The following AGPS variants were observed in gnomAD, a reference collection of about 807,000 sequenced individuals.
AGPS encodes alkyldihydroxyacetonephosphate synthase, peroxisomal.
In AGPS, 26 loss-of-function variants were observed where a neutral mutation model predicts 90.7. That is an observed-to-expected ratio of 0.29 (90% CI 0.21 to 0.40). The LOEUF (loss-of-function observed/expected upper bound fraction) is 0.40. AGPS is among the 10% of genes least tolerant of loss of function. AGPS has a pLI of 1.00. For missense variants in AGPS, 540 were observed against 816.1 expected (o/e 0.66, Z 4.12); for synonymous variants, 294 against 285.3 (o/e 1.03, Z -0.31).
At chr2:177,486,264 T>C (rs1688089946) in intron 11 of AGPS, among the ~76,000 whole-genome samples, 1 of 152,246 alleles carries the variant, frequency 6.6e-6, no homozygotes, top group South Asian at 2.1e-4. Context: ...ACTTCTATTA[T>C]AATGCACATG....
At chr2:177,486,853 C>G (rs1490854014) in intron 11 of AGPS, among the ~76,000 whole-genome samples, 1 of 151,386 alleles carries the variant, frequency 6.6e-6, no homozygotes, top group East Asian at 1.9e-4. Context: ...TATCCTCTTT[C>G]AATACTTCAC....
chr2:177,507,844 A>T (rs1044311564), intron 15 of AGPS, 126 bp from the exon 16 acceptor site: 1 of 750,766 alleles, frequency 1.3e-6, no homozygotes, highest in African/African-American at 1.7e-5. Flanking sequence ...TGAGGTGGAT[A>T]GTAAAGAGTG....
chr2:177,488,514 G>A (rs983587475), intron 11 of AGPS, among the ~76,000 whole-genome samples: 4 of 152,110 alleles, frequency 2.6e-5, no homozygotes, highest in African/African-American at 9.7e-5. Context: ...AATCAATTTT[G>A]TTGTGTGCCT....
At chr2:177,488,576 G>A (rs1462677895) in intron 11 of AGPS, among the ~76,000 whole-genome samples, 4 of 152,160 alleles carry the variant, frequency 2.6e-5, no homozygotes, top group Non-Finnish European at 4.4e-5. Context: ...GCAATGGATA[G>A]TATGCAGTTA....
At chr2:177,431,991 G>A (rs963097215) in intron 2 of AGPS, among the ~76,000 whole-genome samples, 2 of 152,306 alleles carry the variant, frequency 1.3e-5, no homozygotes, top group African/African-American at 2.4e-5. Context: ...CACAATTTGT[G>A]TTCCTCTGCC....
intron 8 of AGPS, among the ~76,000 whole-genome samples, chr2:177,449,014 C>G (rs1322518771): frequency 6.6e-6 from 1 of 152,148 alleles, no homozygotes; most frequent in Non-Finnish European, 1.5e-5. Flanking sequence ...TTGCATTTAT[C>G]AGTAGTTCAT....
At chr2:177,462,517 G>T (rs1559057273) in intron 9 of AGPS, among the ~76,000 whole-genome samples, 1 of 151,854 alleles carries the variant, frequency 6.6e-6, no homozygotes, top group Non-Finnish European at 1.5e-5. Flanking sequence ...CACAACTGTG[G>T]TCATTATTTA....
At chr2:177,396,827 G>A (rs1035961352) in intron 1 of AGPS, among the ~76,000 whole-genome samples, 2 of 152,104 alleles carry the variant, frequency 1.3e-5, no homozygotes, top group South Asian at 4.1e-4. Flanking sequence ...AATAGAAAAG[G>A]GATGACACAG....
At chr2:177,394,756 T>C (rs1414552135) in intron 1 of AGPS, among the ~76,000 whole-genome samples, 1 of 152,210 alleles carries the variant, frequency 6.6e-6, no homozygotes, top group Non-Finnish European at 1.5e-5. Flanking sequence ...ACAGTAATCC[T>C]GTTTTGCAGT....
chr2:177,442,253 G>GT (rs1484197230), intron 6 of AGPS, among the ~76,000 whole-genome samples, 154 bp from the exon 7 acceptor site: 1 of 152,154 alleles, frequency 6.6e-6, no homozygotes, highest in Non-Finnish European at 1.5e-5. Context: ...TGCTTTTAGT[G>GT]TGTTAGCATT....
At chr2:177,445,155 A>G (rs1349141995) in intron 7 of AGPS, among the ~76,000 whole-genome samples, 3 of 152,232 alleles carry the variant, frequency 2.0e-5, no homozygotes, top group South Asian at 2.1e-4. Context: ...GGACCTGTAT[A>G]TGCTGTTTTT....
intron 15 of AGPS, 96 bp from the exon 16 acceptor site, chr2:177,507,874 C>A (rs1443328938): frequency 1.1e-5 from 10 of 910,262 alleles, no homozygotes; most frequent in Admixed American, 8.7e-5. Flanking sequence ...AAATGAGAAA[C>A]ATGTGATACT....
intron 1 of AGPS, among the ~76,000 whole-genome samples, chr2:177,407,129 G>A (rs560310425): frequency 6.6e-6 from 1 of 152,186 alleles, no homozygotes; most frequent in African/African-American, 2.4e-5. Flanking sequence ...AATCTTTCTG[G>A]ACCATTTTTT....
At chr2:177,412,416 G>A (rs963276256) in intron 1 of AGPS, among the ~76,000 whole-genome samples, 5 of 152,280 alleles carry the variant, frequency 3.3e-5, no homozygotes, top group African/African-American at 4.8e-5. Context: ...AATTGAAAGC[G>A]CAAGCTGGTT....
chr2:177,457,379 A>G (rs1687151425), intron 8 of AGPS, among the ~76,000 whole-genome samples: 1 of 152,210 alleles, frequency 6.6e-6, no homozygotes, highest in Admixed American at 6.5e-5. Flanking sequence ...GAAACCCTTC[A>G]AAAAATCAGT....
chr2:177,420,463 A>AT, intron 2 of AGPS, 105 bp downstream of exon 2: 1 of 855,864 alleles, frequency 1.2e-6, no homozygotes, highest in Admixed American at 1.9e-5. Context: ...GAGTTTAAAC[A>AT]TTATCAACAT....
At chr2:177,477,181 C>A (rs1319186334) in intron 10 of AGPS, among the ~76,000 whole-genome samples, 1 of 151,852 alleles carries the variant, frequency 6.6e-6, no homozygotes, top group African/African-American at 2.4e-5. Flanking sequence ...GCCTTATTTT[C>A]CCCCCCTCTG....
chr2:177,484,815 T>G (rs1381789630), intron 11 of AGPS, among the ~76,000 whole-genome samples: 1 of 152,160 alleles, frequency 6.6e-6, no homozygotes, highest in Non-Finnish European at 1.5e-5. Context: ...CAGGCTGGAG[T>G]GCAGTGGCAC....
chr2:177,491,429 CTTTTTT>C (rs1051275473), intron 11 of AGPS, among the ~76,000 whole-genome samples: 3 of 118,250 alleles, frequency 2.5e-5, no homozygotes, highest in African/African-American at 9.6e-5. Context: ...TGACTAATTT[CTTTTTT>C]TTTTTTTTTT....
Sources: gnomAD v4.1 joint callset for allele counts (sites outside exome capture counted in the v4.1 genomes callset) on GRCh38, gnomAD v4.1.1 for gene constraint, MANE v1.5 for transcripts, NCBI Gene and HGNC (gene_info 2026-07-23, HGNC 2026-07-21) for gene names.